Variants in PLCL1 observed in about 807,000 individuals in gnomAD.
The protein encoded by PLCL1 is inactive phospholipase C-like protein 1.
Under a neutral mutation model 84.4 loss-of-function variants are expected in PLCL1, and 41 were observed. That is an observed-to-expected ratio of 0.49 (90% CI 0.38 to 0.63). The LOEUF (loss-of-function observed/expected upper bound fraction) is 0.63. PLCL1 is among the 30% of genes least tolerant of loss of function. PLCL1 has a pLI of 0.00. For missense variants in PLCL1, 1,206 were observed against 1,367.8 expected, an observed-to-expected ratio of 0.88 and a Z score of 1.87; for synonymous variants, 490 against 488.3, an observed-to-expected ratio of 1.00 and a Z score of -0.05.
chr2:198,078,982 T>C lies in PLCL1; in HGVS notation c.241-4776T>C, dbSNP rs1692646581. Among the ~76,000 whole-genome samples the C allele has an allele frequency of 2.0e-5, 3 of 152,084 alleles. No individual in the cohort carries two copies. The South Asian group carries it at 6.2e-4, about 31-fold the overall frequency. ...TGTATAAGCATTAGGTAGATTCACATTTTTTGTGCAATTTCAGTATACTTT... is the reference window on the plus strand; with the variant it reads ...TGTATAAGCATTAGGTAGATTCACACTTTTTGTGCAATTTCAGTATACTTT... On this transcript the variant is annotated intron_variant, in intron 1 of 5. Transcript: ENST00000428675.
chr2:197,826,717 A>G (rs932583647), intron 1 of PLCL1, among the ~76,000 whole-genome samples: 2 of 152,166 alleles, frequency 1.3e-5, no homozygotes, highest in Non-Finnish European at 2.9e-5. Context: ...CACAATACCC[A>G]ATGTATTAAA....
intron 1 of PLCL1, among the ~76,000 whole-genome samples, chr2:197,929,242 C>A (rs1688886755): frequency 4.6e-5 from 7 of 152,156 alleles, no homozygotes. Context: ...GGTCCTGGAA[C>A]CAATCCCCCA....
At chr2:198,030,772 A>G (rs1253559591) in intron 1 of PLCL1, among the ~76,000 whole-genome samples, 1 of 152,164 alleles carries the variant, frequency 6.6e-6, no homozygotes, top group African/African-American at 2.4e-5. Flanking sequence ...CAGTTAGCAC[A>G]CTGCAGAGGC....
intron 1 of PLCL1, among the ~76,000 whole-genome samples, chr2:198,000,624 A>G (rs1690577225): frequency 6.6e-6 from 1 of 152,128 alleles, no homozygotes; most frequent in Non-Finnish European, 1.5e-5. Context: ...GTGAAGTCAT[A>G]TGGTTTAAAG....
intron 1 of PLCL1, among the ~76,000 whole-genome samples, chr2:197,974,353 G>A (rs931699568): frequency 1.3e-5 from 2 of 152,196 alleles, no homozygotes; most frequent in African/African-American, 4.8e-5. Context: ...GAAAAGATAA[G>A]TAAAAGTTTA....
intron 1 of PLCL1, among the ~76,000 whole-genome samples, chr2:197,984,478 AAAATAACCCATTT>A (rs1450888536): frequency 1.3e-5 from 2 of 152,156 alleles, no homozygotes. Flanking sequence ...AAATACATTA[AAAATAACCCATTT>A]AAATATGCTC....
chr2:197,858,264 G>A (rs1687365363), intron 1 of PLCL1, among the ~76,000 whole-genome samples: 1 of 152,144 alleles, frequency 6.6e-6, no homozygotes, highest in Non-Finnish European at 1.5e-5. Flanking sequence ...GTGATCCCAA[G>A]GCAAGTGACA....
chr2:198,001,242 G>A (rs1176249878), intron 1 of PLCL1, among the ~76,000 whole-genome samples: 1 of 152,170 alleles, frequency 6.6e-6, no homozygotes, highest in African/African-American at 2.4e-5. Flanking sequence ...TTGGAAAAGG[G>A]CACTGTGAAC....
chr2:198,003,229 A>T (rs1407859107), intron 1 of PLCL1, among the ~76,000 whole-genome samples: 1 of 152,172 alleles, frequency 6.6e-6, no homozygotes, highest in Non-Finnish European at 1.5e-5. Flanking sequence ...TACTAAGACT[A>T]CTTTACAATT....
intron 1 of PLCL1, among the ~76,000 whole-genome samples, chr2:198,061,101 T>C (rs931756464): frequency 6.6e-6 from 1 of 152,134 alleles, no homozygotes; most frequent in Non-Finnish European, 1.5e-5. Context: ...AAATATCCCA[T>C]TGTGGAATTC....
intron 1 of PLCL1, among the ~76,000 whole-genome samples, chr2:197,828,729 G>C (rs1690986664): frequency 6.6e-6 from 1 of 152,124 alleles, no homozygotes; most frequent in South Asian, 2.1e-4. Context: ...GAATATTCCA[G>C]TCATTGCCAT....
intron 5 of PLCL1, among the ~76,000 whole-genome samples, chr2:198,144,570 T>C (rs977571598): frequency 5.9e-5 from 9 of 152,168 alleles, no homozygotes; most frequent in Non-Finnish European, 1.3e-4. Flanking sequence ...ATTTAAATCA[T>C]AAAGAGCTCT....
At chr2:198,087,228 C>T (rs1212695982) in intron 2 of PLCL1, among the ~76,000 whole-genome samples, 1 of 152,100 alleles carries the variant, frequency 6.6e-6, no homozygotes, top group Non-Finnish European at 1.5e-5. Context: ...AAAATAGTTA[C>T]ACTTATCGCA....
intron 1 of PLCL1, among the ~76,000 whole-genome samples, chr2:198,044,031 T>C (rs979896053): frequency 2.6e-5 from 4 of 152,146 alleles, no homozygotes; most frequent in African/African-American, 9.7e-5. Flanking sequence ...AACTATCTTT[T>C]ACTAAGTCTA....
intron 1 of PLCL1, among the ~76,000 whole-genome samples, chr2:198,081,658 A>C (rs1291131489): frequency 6.6e-6 from 1 of 152,230 alleles, no homozygotes; most frequent in Non-Finnish European, 1.5e-5. Flanking sequence ...TAAATTGGGT[A>C]ATTTATATCA....
At chr2:197,859,399 C>T (rs77516204) in intron 1 of PLCL1, among the ~76,000 whole-genome samples, 2,257 of 152,226 alleles carry the variant, frequency 0.015, 64 homozygotes, top group African/African-American at 0.052. Context: ...TTTAAACCTA[C>T]TTATACCTTT....
At chr2:197,838,250 T>C (rs1691229854) in intron 1 of PLCL1, among the ~76,000 whole-genome samples, 1 of 152,230 alleles carries the variant, frequency 6.6e-6, no homozygotes, top group Non-Finnish European at 1.5e-5. Context: ...AGAGGTCGAG[T>C]GTTATAAACT....
rs558608006 is a variant in PLCL1, at chr2:198,128,790, T to G, written c.3106-17990T>G. ...TGTTCTTGTTTTAAACCATAAACTA[T>G]AAGTTCTTCCCAAAGTTAGTTCAGC... On this transcript the variant is annotated intron_variant, in intron 5 of 5. Coordinates refer to ENST00000428675, the MANE Select transcript of PLCL1 (RefSeq NM_006226.4). Among the ~76,000 whole-genome samples, 4 of 152,322 alleles carry G rather than the reference T, an allele frequency of 2.6e-5. No homozygotes were observed. The East Asian group carries it at 7.7e-4, about 29-fold the overall frequency.
intron 1 of PLCL1, among the ~76,000 whole-genome samples, chr2:197,937,692 T>G (rs1331578215): frequency 1.3e-5 from 2 of 152,192 alleles, no homozygotes; most frequent in African/African-American, 2.4e-5. Flanking sequence ...ATTTTAAAAA[T>G]AAACCTTAGA....
Sources: allele counts gnomAD v4.1 joint callset (sites outside exome capture counted in the v4.1 genomes callset), GRCh38; gene constraint gnomAD v4.1.1; transcripts MANE v1.5; gene names NCBI Gene and HGNC (gene_info 2026-07-23, HGNC 2026-07-21).